NDRG1: variants seen among roughly 807,000 people sequenced by gnomAD.
NDRG1 encodes the protein N-myc downstream regulated 1.
A neutral mutation model predicts 56.9 loss-of-function variants in NDRG1; 32 were observed. The observed-to-expected ratio is 0.56, with a 90% CI of 0.42 to 0.76. NDRG1 has a LOEUF of 0.76. Ranked by LOEUF, NDRG1 falls within the 30% of genes least tolerant of loss-of-function variation. NDRG1 has a pLI of 0.00. For missense variants in NDRG1, 507 were observed against 545.7 expected (o/e 0.93, Z 0.71); for synonymous variants, 211 against 204.1 (o/e 1.03, Z -0.29).
In NDRG1 at chr8:133,259,170, A is replaced by C. The variant is rs574238421; in HGVS notation, c.387T>G (p.Phe129Leu). The stretch of plus-strand genomic sequence containing the variant: ...AGGAGCTGATCCTTCGCTCTTACCC[A>C]AACTGTTGAAGGACTCCAGGAAGCA... ...AEMLPGVLQQ[F>L]GLKSIIGMGT... The change falls in exon 6 of 16, where the codon TTT (phenylalanine) becomes TTG (leucine). Residue 129 changes from phenylalanine to leucine, a missense_variant and splice_region_variant. By Grantham distance (22) the Phe-to-Leu change is conservative. Coordinates refer to ENST00000323851, the MANE Select transcript of NDRG1 (RefSeq NM_006096.4). 4 of 1,614,114 alleles carry C rather than the reference A, an allele frequency of 2.5e-6. No individual in the cohort carries two copies. Among genetic ancestry groups the C allele is most frequent in the Non-Finnish European group, 8.5e-7 (1 of 1,179,962 alleles).
chr8:133,250,688 A>AC, intron 9 of NDRG1, 145 bp from the exon 10 acceptor site: 1 of 756,114 alleles, frequency 1.3e-6, no homozygotes, highest in South Asian at 1.5e-5. Context: ...TAAAAAAAAA[A>AC]CCTTTGGGAA....
intron 9 of NDRG1, 42 bp downstream of exon 9, chr8:133,254,497 T>G (rs776142749): frequency 6.2e-7 from 1 of 1,611,266 alleles, no homozygotes; most frequent in Admixed American, 1.7e-5. Flanking sequence ...CACAATGCCT[T>G]GCTCAGCAGG....
At chr8:133,243,050 G>C (rs1855474446) in intron 14 of NDRG1, among the ~76,000 whole-genome samples, 1 of 152,208 alleles carries the variant, frequency 6.6e-6, no homozygotes, top group South Asian at 2.1e-4. Context: ...AGGCGTATCT[G>C]TTCTTCAGTT....
rs750372432 is a variant in NDRG1, at chr8:133,248,727, G to A, written c.743C>T (p.Thr248Ile). 5 of 1,614,094 alleles carry A rather than the reference G, an allele frequency of 3.1e-6. No individual in the cohort carries two copies. The South Asian group carries it at 3.3e-5, about 11-fold the overall frequency. ...EIERPMPGTH[T>I]VTLQCPALLV... ...AAAAGCCACTCACTGCAGGGTGACT[G>A]TGTGGGTTCCCGGCATTGGTCGCTC... The change falls in exon 11 of 16, where the codon ACA becomes ATA. Residue 248 changes from threonine to isoleucine, a missense_variant. By Grantham distance (89) the Thr-to-Ile change is moderately conservative (BLOSUM62 -1). Transcript: ENST00000323851.
At chr8:133,294,603 G>A (rs1197586774) in intron 1 of NDRG1, among the ~76,000 whole-genome samples, 5 of 151,978 alleles carry the variant, frequency 3.3e-5, no homozygotes, top group Admixed American at 3.3e-4. Flanking sequence ...GAGGAGGCAA[G>A]TTCAGGCCAG....
chr8:133,265,546 C>A (rs770300429), intron 3 of NDRG1, among the ~76,000 whole-genome samples: 2 of 152,264 alleles, frequency 1.3e-5, no homozygotes, highest in South Asian at 2.1e-4. Flanking sequence ...CCTGCCCTTC[C>A]TTCTTGTTGA....
intron 13 of NDRG1, among the ~76,000 whole-genome samples, chr8:133,245,726 C>G (rs1564281329): frequency 6.6e-6 from 1 of 152,134 alleles, no homozygotes; most frequent in Non-Finnish European, 1.5e-5. Flanking sequence ...TTGCTTTAAG[C>G]CACCCATTTT....
chr8:133,264,725 C>T, intron 3 of NDRG1, 73 bp from the exon 4 acceptor site: 3 of 1,231,690 alleles, frequency 2.4e-6, no homozygotes, highest in Non-Finnish European at 3.6e-6. Flanking sequence ...GACAGCCAGC[C>T]TGTTTCCAAC....
chr8:133,283,279 T>C (rs539888030), intron 2 of NDRG1, among the ~76,000 whole-genome samples: 39 of 152,382 alleles, frequency 2.6e-4, no homozygotes, highest in African/African-American at 8.9e-4. Context: ...ATGTGGTTAG[T>C]GCATGGTAAT....
At chr8:133,284,386 G>C (rs1857985681) in intron 1 of NDRG1, 57 bp from the exon 2 acceptor site, 1 of 1,558,740 alleles carries the variant, frequency 6.4e-7, no homozygotes, top group Admixed American at 1.7e-5. Flanking sequence ...TTTCCTAAAG[G>C]AAGCAAATCC....
intron 1 of NDRG1, among the ~76,000 whole-genome samples, chr8:133,293,092 G>A (rs71526285): frequency 0.031 from 4,668 of 152,264 alleles, 102 homozygotes; most frequent in African/African-American, 0.051. Flanking sequence ...CTTTTCACAT[G>A]GCCCCCACCC....
chr8:133,255,305 T>G (rs1156722122), intron 8 of NDRG1: 2 of 455,976 alleles, frequency 4.4e-6, no homozygotes, highest in African/African-American at 4.0e-5. Flanking sequence ...GAACTGGGAG[T>G]GCCAGGAACT....
intron 3 of NDRG1, among the ~76,000 whole-genome samples, chr8:133,269,346 T>A (rs1455751792): frequency 6.6e-6 from 1 of 152,104 alleles, no homozygotes; most frequent in Non-Finnish European, 1.5e-5. Context: ...GACAAGAGGA[T>A]GAAAAGACAA....
intron 1 of NDRG1, chr8:133,296,698 C>G (rs1858790596): frequency 2.2e-5 from 2 of 92,728 alleles, no homozygotes; most frequent in South Asian, 5.2e-5. Flanking sequence ...GACACAGACA[C>G]ACACACACAC....
At chr8:133,293,768 AT>A (rs1858567821) in intron 1 of NDRG1, among the ~76,000 whole-genome samples, 1 of 152,164 alleles carries the variant, frequency 6.6e-6, no homozygotes, top group South Asian at 2.1e-4. Flanking sequence ...ACAACAGCAT[AT>A]CCCCTGATGG....
intron 4 of NDRG1, among the ~76,000 whole-genome samples, chr8:133,262,724 T>C (rs1856721018): frequency 6.6e-6 from 1 of 152,214 alleles, no homozygotes; most frequent in African/African-American, 2.4e-5. Flanking sequence ...CTAGACGGTA[T>C]ATCCCAAGCT....
At position 133,239,050 on chromosome 8, in the gene NDRG1, T is replaced by A. The variant is rs1855231997; in HGVS notation, c.1013A>T (p.Asp338Val). ...TASGSSVTSL[D>V]GTRSRSHTSE... ...GGTGTGGGAGCGGCTGCGGGTGCCA[T>A]CCAGAGAAGTGACGCTGGAACCAGA... The change falls in exon 16 of 16, where the codon GAT (aspartate) becomes GTT (valine). Residue 338 changes from aspartate to valine, a missense_variant. By Grantham distance (152) the Asp-to-Val change is radical. Transcript: ENST00000323851. 1 of 1,593,012 alleles carries A rather than the reference T, an allele frequency of 6.3e-7. No homozygotes were observed.
rs1588215927 is a variant in NDRG1 at position 133,238,825 on chromosome 8, G to A, written c.*53C>T. On this transcript the variant is annotated 3_prime_UTR_variant, in exon 16 of 16. Transcript: ENST00000323851. ...GCAGGGGGCGAAAAGGGGCCGGGGA[G>A]GAGGGGGCCACTACAGAGATCAGAG... The A allele has an allele frequency of 1.8e-5, 27 of 1,525,568 alleles. No homozygotes were observed. The East Asian group carries it at 6.4e-4, about 36-fold the overall frequency. 94.5% of individuals were successfully genotyped at this position (1,525,568 alleles called of 1,614,324 possible).
intron 2 of NDRG1, among the ~76,000 whole-genome samples, chr8:133,283,035 C>T (rs1005750704): frequency 6.6e-6 from 1 of 152,180 alleles, no homozygotes; most frequent in African/African-American, 2.4e-5. Flanking sequence ...AATTATGAAC[C>T]TAAAACAGAG....
Sources: allele counts gnomAD v4.1 joint callset (sites outside exome capture counted in the v4.1 genomes callset), GRCh38; gene constraint gnomAD v4.1.1; transcripts MANE v1.5; gene names NCBI Gene and HGNC (gene_info 2026-07-23, HGNC 2026-07-21).